The following CSMD1 variants were observed in gnomAD, a reference collection of about 807,000 sequenced individuals.
The protein encoded by CSMD1 is CUB and Sushi multiple domains 1.
CSMD1 carries 213 observed loss-of-function variants against 417.5 expected under a neutral mutation model. The ratio of observed to expected loss-of-function variants is 0.51; its 90% CI spans 0.46 to 0.57. CSMD1 has a LOEUF of 0.57. Among genes scored for constraint, CSMD1 ranks in the 20% least tolerant of loss-of-function variants. CSMD1 has a pLI of 0.00. For missense variants in CSMD1, 6,923 were observed against 4,529.7 expected (o/e 1.53, Z -15.17); for synonymous variants, 2,862 against 1,736.8 (o/e 1.65, Z -16.11).
At chr8:3,656,227 G>A (rs892642012) in intron 7 of CSMD1, among the ~76,000 whole-genome samples, 5 of 152,166 alleles carry the variant, frequency 3.3e-5, no homozygotes, top group Non-Finnish European at 7.3e-5. Flanking sequence ...ACATAACCAT[G>A]TGAGGGACCC....
chr8:3,965,664 C>A (rs556629497), intron 5 of CSMD1, among the ~76,000 whole-genome samples: 2 of 152,178 alleles, frequency 1.3e-5, no homozygotes, highest in Admixed American at 1.3e-4. Context: ...GTCGCCCAGG[C>A]TGGAGTGCAA....
rs567401978 is a variant in CSMD1, at chr8:4,971,949, T to C, written c.85+22383A>G. Among the ~76,000 whole-genome samples the C allele has an allele frequency of 4.6e-5, 7 of 152,196 alleles. No individual in the cohort carries two copies. In the South Asian group the frequency reaches 6.2e-4, roughly 14 times the overall value. ...ATAAACTCATTGGGAGCAAACATCATGCATTTGAAGGATAATAAACAGGTG... is the reference window on the plus strand; with the variant it reads ...ATAAACTCATTGGGAGCAAACATCACGCATTTGAAGGATAATAAACAGGTG... On this transcript the variant is annotated intron_variant, in intron 1 of 69. Transcript: ENST00000635120.
At chr8:4,137,058 T>C (rs940381327) in intron 3 of CSMD1, among the ~76,000 whole-genome samples, 5 of 152,354 alleles carry the variant, frequency 3.3e-5, no homozygotes, top group African/African-American at 4.8e-5. Flanking sequence ...TTTCGGGCTC[T>C]AACTTCCTTT....
intron 1 of CSMD1, among the ~76,000 whole-genome samples, chr8:4,855,095 G>T (rs1230437709): frequency 1.3e-5 from 2 of 151,960 alleles, no homozygotes; most frequent in African/African-American, 2.4e-5. Context: ...TCCTCAAGTG[G>T]GTCCCTGACC....
At chr8:3,926,094 C>CACACACAAACACCATACAG (rs1563218195) in intron 5 of CSMD1, among the ~76,000 whole-genome samples, 1 of 59,918 alleles carries the variant, frequency 1.7e-5, no homozygotes, top group Non-Finnish European at 3.0e-5. Context: ...CACACACACA[C>CACACACAAACACCATACAG]ACACACACAC....
chr8:3,761,847 G>A (rs976006768), intron 5 of CSMD1, among the ~76,000 whole-genome samples: 60 of 152,004 alleles, frequency 3.9e-4, no homozygotes, highest in African/African-American at 1.3e-3. Flanking sequence ...CACCCGGAGC[G>A]GCACTCATGA....
chr8:3,417,825 A>G (rs73657876), intron 12 of CSMD1, among the ~76,000 whole-genome samples: 2,854 of 149,888 alleles, frequency 0.019, 55 homozygotes, highest in East Asian at 0.096. Context: ...AAGTCTACAG[A>G]CCCTGTTTTT....
chr8:4,079,913 C>G (rs1046478931), intron 3 of CSMD1, among the ~76,000 whole-genome samples: 1 of 151,862 alleles, frequency 6.6e-6, no homozygotes, highest in African/African-American at 2.4e-5. Context: ...TCTTGCCTTT[C>G]CACCCCTTTT....
At chr8:3,046,547 A>T (rs1430658430) in intron 50 of CSMD1, among the ~76,000 whole-genome samples, 8 of 152,088 alleles carry the variant, frequency 5.3e-5, no homozygotes, top group Non-Finnish European at 1.2e-4. Flanking sequence ...CCAGGTGAAT[A>T]CTGAACTATC....
intron 2 of CSMD1, among the ~76,000 whole-genome samples, chr8:4,583,043 C>A (rs1799506573): frequency 6.6e-6 from 1 of 152,226 alleles, no homozygotes; most frequent in African/African-American, 2.4e-5. Flanking sequence ...CGACTTCTCA[C>A]CCGGCGTTAG....
chr8:3,141,969 T>C (rs1484003071), intron 41 of CSMD1, among the ~76,000 whole-genome samples: 1 of 151,994 alleles, frequency 6.6e-6, no homozygotes, highest in Non-Finnish European at 1.5e-5. Context: ...AGCTAATTTT[T>C]GGTATTTTTA....
Position 3,177,757 on chromosome 8 carries a change from T to A in CSMD1, c.5725+3353A>T, listed in dbSNP as rs190304324. On this transcript the variant is annotated intron_variant, in intron 37 of 69. Transcript: ENST00000635120. ...TCCACCAGATCAATACTGAGTTCAA[T>A]AACAGTCACTGCCACCTTGTTGGCC... 2.5e-3 allele frequency among the ~76,000 whole-genome samples: 378 copies of A among 152,294 alleles called. 1 individual carries two copies. The highest frequency in any genetic ancestry group is 0.017 in the Admixed American group (258 of 15,300).
chr8:4,837,779 G>C (rs1800587678), intron 1 of CSMD1, among the ~76,000 whole-genome samples: 1 of 152,000 alleles, frequency 6.6e-6, no homozygotes, highest in African/African-American at 2.4e-5. Flanking sequence ...TAACTCAAAG[G>C]ATAAATGCCG....
intron 1 of CSMD1, among the ~76,000 whole-genome samples, chr8:4,701,924 A>G (rs1177567461): frequency 1.3e-5 from 2 of 152,204 alleles, no homozygotes; most frequent in African/African-American, 4.8e-5. Context: ...AATACTATGC[A>G]GCCATAAAAA....
At chr8:3,986,060 T>A (rs778237740) in intron 5 of CSMD1, among the ~76,000 whole-genome samples, 9 of 152,076 alleles carry the variant, frequency 5.9e-5, no homozygotes, top group Admixed American at 2.6e-4. Flanking sequence ...CTTCATTATA[T>A]GAAGACCCCA....
At chr8:4,471,940 G>C (rs528479839) in intron 2 of CSMD1, among the ~76,000 whole-genome samples, 1 of 152,212 alleles carries the variant, frequency 6.6e-6, no homozygotes, top group Admixed American at 6.5e-5. Context: ...ACTTTATAGA[G>C]GGTGCAAAAC....
chr8:3,406,199 A>G lies in CSMD1; in HGVS notation c.2094T>C (p.His698=). The change falls in exon 15 of 70, where the codon CAT becomes CAC. Residue 698 remains histidine, a synonymous_variant. Transcript: ENST00000635120. ...TYTTFGQNEC[H]DPGIPINGRR... ...GTCCGTTTATAGGAATGCCAGGATCATGGCACTCATTCTGACCAAATGCTG... is the reference window on the plus strand; with the variant it reads ...GTCCGTTTATAGGAATGCCAGGATCGTGGCACTCATTCTGACCAAATGCTG... 1 of 1,609,374 alleles carries G rather than the reference A, an allele frequency of 6.2e-7. No individual in the cohort carries two copies. Among genetic ancestry groups the G allele is most frequent in the Non-Finnish European group, 8.5e-7 (1 of 1,177,484 alleles).
chr8:3,614,178 T>C (rs1346368713), intron 8 of CSMD1, among the ~76,000 whole-genome samples: 1 of 152,196 alleles, frequency 6.6e-6, no homozygotes, highest in East Asian at 1.9e-4. Context: ...TTATGGCATT[T>C]GATTTCTATT....
chr8:4,139,700 T>C (rs73176401), intron 3 of CSMD1, among the ~76,000 whole-genome samples: 2 of 150,772 alleles, frequency 1.3e-5, no homozygotes, highest in East Asian at 1.9e-4. Flanking sequence ...AGAATGATGA[T>C]TTTGGTGGGA....
Sources: gnomAD v4.1 joint callset for allele counts (sites outside exome capture counted in the v4.1 genomes callset) on GRCh38, gnomAD v4.1.1 for gene constraint, MANE v1.5 for transcripts, NCBI Gene and HGNC (gene_info 2026-07-23, HGNC 2026-07-21) for gene names.